PPARGC1A: variants seen among roughly 807,000 people sequenced by gnomAD.
PPARGC1A encodes the protein peroxisome proliferator-activated receptor gamma coactivator 1-alpha.
In PPARGC1A, 25 loss-of-function variants were observed where a neutral mutation model predicts 88.7. The ratio of observed to expected loss-of-function variants is 0.28; its 90% CI spans 0.21 to 0.39. The LOEUF is 0.39. Among genes scored for constraint, PPARGC1A ranks in the 10% least tolerant of loss-of-function variants. The probability of loss-of-function intolerance (pLI) is 1.00; values close to 1 mark genes in which losing one functional copy is unlikely to be tolerated. For synonymous variants in PPARGC1A, 363 were observed against 355.6 expected (o/e 1.02, Z -0.24); for missense variants, 880 against 968.7 (o/e 0.91, Z 1.22).
At chr4:23,978,373 G>A in the PPARGC1A span, among the ~76,000 whole-genome samples, 1 of 152,106 alleles carries the variant, frequency 6.6e-6, no homozygotes, top group Non-Finnish European at 1.5e-5. Flanking sequence ...CCATCACATA[G>A]TCTTTCTAAA....
upstream of PPARGC1A, among the ~76,000 whole-genome samples, chr4:23,890,532 G>A (rs1717672644): frequency 6.7e-6 from 1 of 149,764 alleles, no homozygotes; most frequent in South Asian, 2.1e-4. Context: ...ACTAAAGCAA[G>A]AGCTTATCAC....
the PPARGC1A span, among the ~76,000 whole-genome samples, chr4:24,353,076 A>G: frequency 1.3e-5 from 2 of 152,252 alleles, no homozygotes; most frequent in African/African-American, 4.8e-5. Context: ...CTGGGATTTC[A>G]GGGGCATGTT....
chr4:24,437,531 G>A, the PPARGC1A span, among the ~76,000 whole-genome samples: 2 of 152,128 alleles, frequency 1.3e-5, no homozygotes, highest in South Asian at 2.1e-4. Flanking sequence ...AACCCCTCGG[G>A]GCTCTGAAGA....
chr4:24,405,427 T>C, the PPARGC1A span, among the ~76,000 whole-genome samples: 1 of 152,202 alleles, frequency 6.6e-6, no homozygotes, highest in South Asian at 2.1e-4. Context: ...TATAATAATC[T>C]AGAGCTATTC....
chr4:23,835,636 C>T (rs1388210432), intron 2 of PPARGC1A, among the ~76,000 whole-genome samples: 1 of 152,066 alleles, frequency 6.6e-6, no homozygotes, highest in African/African-American at 2.4e-5. Context: ...GTGGGTGACT[C>T]ACAGAGGTGC....
chr4:23,865,525 G>C lies in PPARGC1A; in HGVS notation c.234+19227C>G, dbSNP rs142586382. Among the ~76,000 whole-genome samples the C allele has an allele frequency of 4.0e-3, 610 of 152,242 alleles. 3 individuals carry two copies. The highest frequency in any genetic ancestry group is 0.014 in the African/African-American group (580 of 41,538). On this transcript the variant is annotated intron_variant, in intron 2 of 12. Transcript: ENST00000264867. ...TATTAAGAGAGAAGACCCATGCATG[G>C]TGTCTGGGACACAGTAGGGACTCTA...
At chr4:24,184,183 T>C in the PPARGC1A span, among the ~76,000 whole-genome samples, 1 of 152,202 alleles carries the variant, frequency 6.6e-6, no homozygotes, top group African/African-American at 2.4e-5. Context: ...CAGAACATAA[T>C]AACATGTTTG....
chr4:24,006,893 C>T, the PPARGC1A span, among the ~76,000 whole-genome samples: 5 of 152,240 alleles, frequency 3.3e-5, no homozygotes, highest in Middle Eastern at 3.4e-3. Flanking sequence ...CTTCAACCCA[C>T]CCTATATCCA....
At chr4:23,953,635 A>G in the PPARGC1A span, among the ~76,000 whole-genome samples, 1 of 152,070 alleles carries the variant, frequency 6.6e-6, no homozygotes. Context: ...ACTCACTTAA[A>G]TTAATCCTGC....
At chr4:24,404,852 C>T in the PPARGC1A span, among the ~76,000 whole-genome samples, 2 of 152,192 alleles carry the variant, frequency 1.3e-5, no homozygotes, top group African/African-American at 4.8e-5. Context: ...CTTCAAACTG[C>T]CAATTTGTGA....
the PPARGC1A span, among the ~76,000 whole-genome samples, chr4:24,076,841 G>C: frequency 4.6e-5 from 7 of 151,890 alleles, no homozygotes; most frequent in Non-Finnish European, 7.4e-5. Context: ...TCCCAATATA[G>C]TTACTTTATG....
the PPARGC1A span, among the ~76,000 whole-genome samples, chr4:24,301,994 T>C: frequency 6.6e-6 from 1 of 152,156 alleles, no homozygotes; most frequent in Non-Finnish European, 1.5e-5. Context: ...TTTGAAGCAA[T>C]GCTGTTTGTT....
chr4:24,367,888 G>A, the PPARGC1A span, among the ~76,000 whole-genome samples: 6 of 152,074 alleles, frequency 3.9e-5, no homozygotes, highest in African/African-American at 7.2e-5. Context: ...AGGGACAATC[G>A]CTGCAATCAT....
the PPARGC1A span, among the ~76,000 whole-genome samples, chr4:24,246,089 G>A: frequency 6.6e-6 from 1 of 152,128 alleles, no homozygotes; most frequent in Non-Finnish European, 1.5e-5. Flanking sequence ...CAAATGGCTA[G>A]ATGGATAATT....
In PPARGC1A at chr4:23,824,292, A is replaced by T. The variant is rs1723526265; in HGVS notation, c.865T>A (p.Ser289Thr). ...ATATAAGGCTTACCTGCAGTTCCAG[A>T]GAGTTCCACACTTAAGGTGCGTTCA... ...TIERTLSVEL[S>T]GTAGLTPPTT... Residue 289 changes from serine (S) to threonine (T), a missense_variant, in exon 7 of 13, where the codon TCT becomes ACT. Ser to Thr is a moderately conservative substitution (Grantham distance 58). Transcript: ENST00000264867. 1 of 1,613,394 alleles carries T rather than the reference A, an allele frequency of 6.2e-7. No individual in the cohort carries two copies. The highest frequency in any genetic ancestry group is 1.3e-5 in the African/African-American group (1 of 74,996).
chr4:24,378,832 T>A, the PPARGC1A span, among the ~76,000 whole-genome samples: 1 of 152,202 alleles, frequency 6.6e-6, no homozygotes, highest in Non-Finnish European at 1.5e-5. Flanking sequence ...CAACCCTCAC[T>A]CTCACACATT....
At chr4:24,392,800 C>T in the PPARGC1A span, among the ~76,000 whole-genome samples, 27 of 152,070 alleles carry the variant, frequency 1.8e-4, no homozygotes, top group African/African-American at 4.3e-4. Flanking sequence ...TGCCTCAGCG[C>T]GCACAGGCTG....
chr4:24,356,879 G>A, the PPARGC1A span, among the ~76,000 whole-genome samples: 1 of 152,152 alleles, frequency 6.6e-6, no homozygotes, highest in Non-Finnish European at 1.5e-5. Context: ...TATTACTAGT[G>A]CTCACCCAAT....
At chr4:24,262,993 C>T in the PPARGC1A span, among the ~76,000 whole-genome samples, 3 of 152,154 alleles carry the variant, frequency 2.0e-5, no homozygotes, top group African/African-American at 7.2e-5. Flanking sequence ...ATTTGGGCTT[C>T]CTTTACTTAA....
Sources: allele counts gnomAD v4.1 joint callset (sites outside exome capture counted in the v4.1 genomes callset), GRCh38; gene constraint gnomAD v4.1.1; transcripts MANE v1.5; gene names NCBI Gene and HGNC (gene_info 2026-07-23, HGNC 2026-07-21).